Variants in KLHDC2 observed in about 807,000 individuals in gnomAD.
KLHDC2 encodes the protein kelch domain-containing protein 2.
KLHDC2 carries 38 observed loss-of-function variants against 62.3 expected under a neutral mutation model. The ratio of observed to expected loss-of-function variants is 0.61; its 90% CI spans 0.47 to 0.80. The LOEUF (loss-of-function observed/expected upper bound fraction) is 0.80, where lower values mean the gene tolerates loss of function less well. Ranked by LOEUF, KLHDC2 falls within the 30% of genes least tolerant of loss-of-function variation. KLHDC2 has a pLI of 0.00. For synonymous variants in KLHDC2, 159 were observed against 161.0 expected (o/e 0.99, Z 0.09); for missense variants, 430 against 495.3 (o/e 0.87, Z 1.25).
rs1026491339 is a variant in KLHDC2, at chr14:49,784,656, G to C, written c.*1703G>C. On this transcript the variant is annotated 3_prime_UTR_variant, in exon 13 of 13. Transcript: ENST00000298307. ...TTCAGCTATTTCCTTTTTACGTTCA[G>C]AAGATTGGGTGCAGACACTTTCACT... 1.2e-6 allele frequency: 2 copies of C among 1,610,918 alleles called. No homozygotes were observed. Among genetic ancestry groups the C allele is most frequent in the Non-Finnish European group, 1.7e-6 (2 of 1,178,580 alleles).
chr14:49,780,160 A>T, intron 8 of KLHDC2, 53 bp from the exon 9 acceptor site: 1 of 1,157,890 alleles, frequency 8.6e-7, no homozygotes, highest in Non-Finnish European at 1.3e-6. Flanking sequence ...AAAACTTAAA[A>T]ATACAGTAGC....
rs11557842 is a variant in KLHDC2 at position 49,768,349 on chromosome 14, G to A, written c.-120G>A. On this transcript the variant is annotated 5_prime_UTR_variant, in exon 1 of 13. Transcript: ENST00000298307. Reference sequence around the variant, plus strand: ...CAGGCGGCAGAGAGGCCTCAACGCCGTCCCTTTCGCCACCGCCTTTTCCTT... The same window carrying A: ...CAGGCGGCAGAGAGGCCTCAACGCCATCCCTTTCGCCACCGCCTTTTCCTT... 1.7e-6 allele frequency: 2 copies of A among 1,165,066 alleles called. No homozygotes were observed. Among genetic ancestry groups the A allele is most frequent in the African/African-American group, 1.6e-5 (1 of 62,718 alleles). The allele number at this position is 1,165,066 out of a possible 1,614,324, so 72.2% of individuals were successfully genotyped here. A position where few individuals can be genotyped will look rare whatever the true frequency, so the allele number is the denominator to read the frequency against.
At chr14:49,773,287 G>A (rs948113793) in intron 2 of KLHDC2, among the ~76,000 whole-genome samples, 11 of 151,028 alleles carry the variant, frequency 7.3e-5, no homozygotes, top group East Asian at 4.1e-4. Flanking sequence ...GGAGGCACGC[G>A]CCTGTAGTCC....
In KLHDC2 at chr14:49,784,354, G is replaced by T; in HGVS notation, c.*1401G>T. 1 of 270,964 alleles carries T rather than the reference G, an allele frequency of 3.7e-6. No homozygotes were observed. The allele number at this position is 270,964 out of a possible 1,614,324, so 16.8% of individuals were successfully genotyped here. A position where few individuals can be genotyped will look rare whatever the true frequency, so the allele number is the denominator to read the frequency against. ...TCTTTACATCATGAAATGAATACTT[G>T]GTATTAACCTCCCAAATTTCAAGAA... On this transcript the variant is annotated 3_prime_UTR_variant, in exon 13 of 13. Coordinates refer to ENST00000298307, the MANE Select transcript of KLHDC2 (RefSeq NM_014315.3).
rs953229048 is a variant in KLHDC2 at position 49,784,000 on chromosome 14, C to T, written c.*1047C>T. 9.9e-5 allele frequency: 15 copies of T among 151,872 alleles called. No homozygotes were observed. Among genetic ancestry groups the T allele is most frequent in the African/African-American group, 2.9e-4 (12 of 41,332 alleles). The allele number at this position is 151,872 out of a possible 1,614,324, so 9.4% of individuals were successfully genotyped here. A position where few individuals can be genotyped will look rare whatever the true frequency, so the allele number is the denominator to read the frequency against. On this transcript the variant is annotated 3_prime_UTR_variant, in exon 13 of 13. Coordinates refer to ENST00000298307, the MANE Select transcript of KLHDC2 (RefSeq NM_014315.3). ...GTTATATACAGTAGACTTACCAAGTCAATAGTTTAAGCAATCAAGCCACTT... is the reference window on the plus strand; with the variant it reads ...GTTATATACAGTAGACTTACCAAGTTAATAGTTTAAGCAATCAAGCCACTT...
rs1407417231 is a variant in KLHDC2, at chr14:49,785,339, A to G, written c.*2386A>G. On this transcript the variant is annotated 3_prime_UTR_variant, in exon 13 of 13. Coordinates refer to ENST00000298307, the MANE Select transcript of KLHDC2 (RefSeq NM_014315.3). The stretch of plus-strand genomic sequence containing the variant: ...GGTTTTCCTAAAAAGGGAAAATAAC[A>G]GTTACAAAGGCAATTTATACCGCCC... The G allele has an allele frequency of 1.3e-6, 2 of 1,575,948 alleles. No homozygotes were observed. Among genetic ancestry groups the G allele is most frequent in the Non-Finnish European group, 8.7e-7 (1 of 1,145,534 alleles).
intron 1 of KLHDC2, chr14:49,768,967 T>C (rs780100465): frequency 6.6e-5 from 15 of 228,518 alleles, no homozygotes; most frequent in Non-Finnish European, 1.3e-4. Context: ...GTGTGAAAGG[T>C]GACGGTGTGT....
At chr14:49,778,048 C>A in intron 4 of KLHDC2, 94 bp downstream of exon 4, 1 of 901,974 alleles carries the variant, frequency 1.1e-6, no homozygotes. Context: ...CAGAACATAC[C>A]TCATAGGGCC....
rs569876721 is a variant in KLHDC2 at position 49,785,441 on chromosome 14, A to T, written c.*2488A>T. ...CTTTTCCTGATATACATACCATCTA[A>T]GCTGGAACAGTGGTACTTAAACTCT... On this transcript the variant is annotated 3_prime_UTR_variant, in exon 13 of 13. Transcript: ENST00000298307. 3 of 684,226 alleles carry T rather than the reference A, an allele frequency of 4.4e-6. No individual in the cohort carries two copies. In the African/African-American group the frequency reaches 5.3e-5, roughly 12 times the overall value. 42.4% of individuals were successfully genotyped at this position (684,226 alleles called of 1,614,324 possible).
intron 3 of KLHDC2, 177 bp downstream of exon 3, chr14:49,774,855 G>A: frequency 1.6e-6 from 1 of 611,094 alleles, no homozygotes; most frequent in Non-Finnish European, 2.9e-6. Flanking sequence ...TATTTACCTA[G>A]GCATTATGTA....
chr14:49,777,707 G>GGCAGTCTGGCAT, intron 3 of KLHDC2, 132 bp from the exon 4 acceptor site: 1 of 555,190 alleles, frequency 1.8e-6, no homozygotes, highest in South Asian at 2.6e-5. Context: ...CAGTCTGGCA[G>GGCAGTCTGGCAT]CCAGTCTGCA....
intron 2 of KLHDC2, among the ~76,000 whole-genome samples, chr14:49,772,750 A>G (rs1004786418): frequency 1.3e-5 from 2 of 152,132 alleles, no homozygotes; most frequent in African/African-American, 2.4e-5. Context: ...TTAGGTGAGG[A>G]GTTCAAGACC....
At position 49,768,277 on chromosome 14, in the gene KLHDC2, G is replaced by A; in HGVS notation, c.-192G>A. The A allele has an allele frequency of 5.4e-6, 3 of 551,696 alleles. No individual in the cohort carries two copies. Among genetic ancestry groups the A allele is most frequent in the South Asian group, 2.7e-5 (1 of 37,712 alleles). The allele number at this position is 551,696 out of a possible 1,614,324, so 34.2% of individuals were successfully genotyped here. A position where few individuals can be genotyped will look rare whatever the true frequency, so the allele number is the denominator to read the frequency against. ...CCTCTGTCTGCAGGCGTGCCCCGGCGGCGGCGGAGAGCCGTCCTCGGCCGA... is the reference window on the plus strand; with the variant it reads ...CCTCTGTCTGCAGGCGTGCCCCGGCAGCGGCGGAGAGCCGTCCTCGGCCGA... On this transcript the variant is annotated 5_prime_UTR_variant, in exon 1 of 13. Transcript: ENST00000298307.
chr14:49,775,584 GT>G (rs1293397765), intron 3 of KLHDC2, among the ~76,000 whole-genome samples: 1 of 150,828 alleles, frequency 6.6e-6, no homozygotes, highest in Non-Finnish European at 1.5e-5. Flanking sequence ...ATTGGAAGGA[GT>G]AGCCAAGATA....
rs1023550250 is a variant in KLHDC2, at chr14:49,783,225, A to G, written c.*272A>G. On this transcript the variant is annotated 3_prime_UTR_variant, in exon 13 of 13. Coordinates refer to ENST00000298307, the MANE Select transcript of KLHDC2 (RefSeq NM_014315.3). ...ACATTTTCTTTTCAGTAACTTCAGG[A>G]TATGTATCTGTAGAAACATTATAGT... 1.8e-4 allele frequency: 48 copies of G among 269,892 alleles called. No individual in the cohort carries two copies. The highest frequency in any genetic ancestry group is 9.8e-4 in the African/African-American group (44 of 45,058). 16.7% of individuals were successfully genotyped at this position (269,892 alleles called of 1,614,324 possible). A position where few individuals can be genotyped will look rare whatever the true frequency, so the allele number is the denominator to read the frequency against.
chr14:49,772,530 G>A (rs1198541007), intron 2 of KLHDC2, among the ~76,000 whole-genome samples: 1 of 152,212 alleles, frequency 6.6e-6, no homozygotes, highest in East Asian at 1.9e-4. Flanking sequence ...GTAGAATCAA[G>A]GTGTTTCTCA....
Position 49,782,527 on chromosome 14 carries a change from C to T in KLHDC2, c.1045-15C>T. The T allele has an allele frequency of 1.9e-6, 3 of 1,603,452 alleles. No homozygotes were observed. Among genetic ancestry groups the T allele is most frequent in the Non-Finnish European group, 2.6e-6 (3 of 1,172,568 alleles). ...GCATTTGCTTTTAAATGTGTTCTTC[C>T]TATTTATTTTTCAGGCACACAGTAA... On this transcript the variant is annotated splice_polypyrimidine_tract_variant and intron_variant, in intron 11 of 12. Transcript: ENST00000298307.
Position 49,785,493 on chromosome 14 carries a change from C to G in KLHDC2, c.*2540C>G, listed in dbSNP as rs949578702. On this transcript the variant is annotated 3_prime_UTR_variant, in exon 13 of 13. Transcript: ENST00000298307. ...CTTCATAGTTCCAAAGAGTTGAAGA[C>G]CAATGTTTAAATATATTCTTTACTA... 10 of 574,802 alleles carry G rather than the reference C, an allele frequency of 1.7e-5. No individual in the cohort carries two copies. Among genetic ancestry groups the G allele is most frequent in the Non-Finnish European group, 3.1e-5 (10 of 320,336 alleles). The allele number at this position is 574,802 out of a possible 1,614,324, so 35.6% of individuals were successfully genotyped here. A position where few individuals can be genotyped will look rare whatever the true frequency, so the allele number is the denominator to read the frequency against.
In KLHDC2 at chr14:49,778,569, T is replaced by A. The variant is rs537409503; in HGVS notation, c.633+75T>A. ...GGAGGGGTGGGGTAGGGGAGAGGGG[T>A]GCACCAGAGTTGGAAGATACTGTGA... On this transcript the variant is annotated intron_variant, in intron 6 of 12. Coordinates refer to ENST00000298307, the MANE Select transcript of KLHDC2 (RefSeq NM_014315.3). 1.8e-4 allele frequency: 119 copies of A among 670,014 alleles called. 3 individuals carry two copies. The South Asian group carries it at 2.2e-3, about 12-fold the overall frequency. The allele number at this position is 670,014 out of a possible 1,614,324, so 41.5% of individuals were successfully genotyped here.
Sources: allele counts gnomAD v4.1 joint callset (sites outside exome capture counted in the v4.1 genomes callset), GRCh38; gene constraint gnomAD v4.1.1; transcripts MANE v1.5; gene names NCBI Gene and HGNC (gene_info 2026-07-23, HGNC 2026-07-21).